Variants in CLYBL observed in about 807,000 individuals in gnomAD.
CLYBL encodes the protein citramalyl-CoA lyase.
In CLYBL, 31 loss-of-function variants were observed where a neutral mutation model predicts 38.9. That is an observed-to-expected ratio of 0.80 (90% CI 0.60 to 1.08). The LOEUF (loss-of-function observed/expected upper bound fraction) is 1.08. CLYBL is among the 50% of genes least tolerant of loss of function. The pLI is 0.00. For missense variants in CLYBL, 434 were observed against 411.6 expected (o/e 1.05, Z -0.47); for synonymous variants, 171 against 158.6 (o/e 1.08, Z -0.59).
chr13:99,724,289 A>C (rs1381636138), intron 1 of CLYBL, among the ~76,000 whole-genome samples: 3 of 152,206 alleles, frequency 2.0e-5, no homozygotes, highest in Non-Finnish European at 4.4e-5. Context: ...ATTTAGGCTC[A>C]GTCTTTGGCT....
chr13:99,826,450 T>G (rs569363760), intron 2 of CLYBL, among the ~76,000 whole-genome samples: 4 of 152,352 alleles, frequency 2.6e-5, no homozygotes, highest in African/African-American at 9.6e-5. Context: ...GTATCTCTTA[T>G]GGATCCTGTT....
chr13:99,879,049 A>T (rs1011617390), intron 7 of CLYBL, among the ~76,000 whole-genome samples: 11 of 152,134 alleles, frequency 7.2e-5, no homozygotes, highest in Admixed American at 3.3e-4. Context: ...ACTGGCACAC[A>T]CATGCACCTC....
chr13:99,767,522 C>A (rs1007351824), intron 1 of CLYBL, among the ~76,000 whole-genome samples: 2 of 152,188 alleles, frequency 1.3e-5, no homozygotes, highest in African/African-American at 4.8e-5. Flanking sequence ...CAGCCATTAT[C>A]TTTTCAAAAT....
At chr13:99,773,195 G>C (rs2049436542) in intron 2 of CLYBL, among the ~76,000 whole-genome samples, 185 bp downstream of exon 2, 1 of 152,172 alleles carries the variant, frequency 6.6e-6, no homozygotes, top group South Asian at 2.1e-4. Flanking sequence ...GAGAAAGGAA[G>C]AATCCCACCA....
rs1182063096 is a variant in CLYBL, at chr13:99,606,699, G to A, written c.4G>A (p.Ala2Thr). The A allele has an allele frequency of 6.7e-7, 1 of 1,492,630 alleles. No individual in the cohort carries two copies. Among genetic ancestry groups the A allele is most frequent in the Non-Finnish European group, 8.9e-7 (1 of 1,127,486 alleles). The allele number at this position is 1,492,630 out of a possible 1,614,324, so 92.5% of individuals were successfully genotyped here. A position where few individuals can be genotyped will look rare whatever the true frequency, so the allele number is the denominator to read the frequency against. Reference protein sequence around the residue: MALRLLRRAARG... With the variant: MTLRLLRRAARG... ...GCGGGGCGCGCGCGTCGGGAAGATG[G>A]CGCTACGTCTGCTGCGGAGGGCGGC... The change falls in exon 1 of 9, where the codon GCG becomes ACG. Residue 2 changes from alanine (A) to threonine (T), a missense_variant. Transcript: ENST00000339105.
At chr13:99,673,020 C>G (rs2047590081) in intron 1 of CLYBL, among the ~76,000 whole-genome samples, 2 of 152,100 alleles carry the variant, frequency 1.3e-5, no homozygotes, top group African/African-American at 2.4e-5. Context: ...AATCTGCCCC[C>G]CTAGAGCTTA....
At chr13:99,858,798 C>A (rs2051522976) in intron 2 of CLYBL, 63 bp from the exon 3 acceptor site, 1 of 1,161,066 alleles carries the variant, frequency 8.6e-7, no homozygotes, top group East Asian at 2.5e-5. Context: ...GTTTCATCAA[C>A]CATTTGATGG....
chr13:99,730,689 C>A (rs534194830), intron 1 of CLYBL, among the ~76,000 whole-genome samples: 1 of 152,136 alleles, frequency 6.6e-6, no homozygotes, highest in Non-Finnish European at 1.5e-5. Context: ...GGAGTCTTGG[C>A]GGGAGGAGCA....
chr13:99,886,771 C>T (rs749280382), intron 7 of CLYBL, among the ~76,000 whole-genome samples: 3 of 152,206 alleles, frequency 2.0e-5, no homozygotes, highest in Non-Finnish European at 2.9e-5. Context: ...TCAGATCGTC[C>T]CTGTGCTCAC....
At chr13:99,885,770 C>T (rs944559510) in intron 7 of CLYBL, among the ~76,000 whole-genome samples, 2 of 152,068 alleles carry the variant, frequency 1.3e-5, no homozygotes, top group Non-Finnish European at 2.9e-5. Context: ...GGAGAAGTTG[C>T]AAAATAGGAA....
intron 1 of CLYBL, among the ~76,000 whole-genome samples, chr13:99,642,821 C>T (rs2047116007): frequency 6.6e-6 from 1 of 151,310 alleles, no homozygotes; most frequent in African/African-American, 2.4e-5. Flanking sequence ...TGCAGTAGTG[C>T]AATCTTGGCT....
rs1275233764 is a variant in CLYBL, at chr13:99,701,697, CGAA to C, written c.63-71125_63-71123del. Among the ~76,000 whole-genome samples, 5 of 152,164 alleles carry C rather than the reference CGAA, an allele frequency of 3.3e-5. No homozygotes were observed. The East Asian group carries it at 5.8e-4, about 18-fold the overall frequency. On this transcript the variant is annotated intron_variant, in intron 1 of 8. Coordinates refer to ENST00000339105, the MANE Select transcript of CLYBL (RefSeq NM_206808.5). ...TATTTTATTATTATTATTTTTGAGA[CGAA>C]GTCTCACTCTGTCACCCACTCTGGA...
intron 2 of CLYBL, among the ~76,000 whole-genome samples, chr13:99,787,405 G>A (rs2049820021): frequency 6.6e-6 from 1 of 152,136 alleles, no homozygotes. Flanking sequence ...TCCAGTTTCA[G>A]CTTTCTACAT....
chr13:99,824,785 A>G (rs898961823), intron 2 of CLYBL, among the ~76,000 whole-genome samples: 1 of 152,222 alleles, frequency 6.6e-6, no homozygotes, highest in Non-Finnish European at 1.5e-5. Context: ...GATATGCCTG[A>G]CTGAGAATGT....
At chr13:99,670,688 G>T (rs1203363317) in intron 1 of CLYBL, among the ~76,000 whole-genome samples, 3 of 152,054 alleles carry the variant, frequency 2.0e-5, no homozygotes, top group Non-Finnish European at 4.4e-5. Flanking sequence ...ACAAAAATAC[G>T]ATTTAACTGC....
At chr13:99,723,553 C>T (rs2048424516) in intron 1 of CLYBL, among the ~76,000 whole-genome samples, 1 of 152,134 alleles carries the variant, frequency 6.6e-6, no homozygotes, top group Non-Finnish European at 1.5e-5. Context: ...GGGCTGTAAT[C>T]GTAATGTGAG....
At chr13:99,644,923 T>C (rs1391687191) in intron 1 of CLYBL, among the ~76,000 whole-genome samples, 1 of 152,264 alleles carries the variant, frequency 6.6e-6, no homozygotes, top group Non-Finnish European at 1.5e-5. Flanking sequence ...TAGCTACCGA[T>C]GGCCCCTTAG....
downstream of CLYBL, among the ~76,000 whole-genome samples, chr13:99,901,333 A>C (rs939889009): frequency 1.3e-5 from 2 of 152,234 alleles, no homozygotes; most frequent in Non-Finnish European, 2.9e-5. Flanking sequence ...AAATGTAGGA[A>C]AGAAAACAAC....
intron 2 of CLYBL, among the ~76,000 whole-genome samples, chr13:99,817,760 C>T (rs1170221349): frequency 3.3e-5 from 5 of 151,532 alleles, no homozygotes; most frequent in African/African-American, 4.9e-5. Context: ...CCTAGCACTT[C>T]GGGAGGCCAA....
Sources: allele counts gnomAD v4.1 joint callset (sites outside exome capture counted in the v4.1 genomes callset), GRCh38; gene constraint gnomAD v4.1.1; transcripts MANE v1.5; gene names NCBI Gene and HGNC (gene_info 2026-07-23, HGNC 2026-07-21).